The following TPCN1 variants were observed in gnomAD, a reference collection of about 807,000 sequenced individuals.
The protein encoded by TPCN1 is two pore segment channel 1.
In TPCN1, 52 loss-of-function variants were observed where a neutral mutation model predicts 108.8. That is an observed-to-expected ratio of 0.48 (90% CI 0.38 to 0.60). The LOEUF (loss-of-function observed/expected upper bound fraction) is 0.60, where lower values mean the gene tolerates loss of function less well. Among genes scored for constraint, TPCN1 ranks in the 20% least tolerant of loss-of-function variants. The probability of loss-of-function intolerance (pLI) is 0.00; values close to 1 mark genes in which losing one functional copy is unlikely to be tolerated. For missense variants in TPCN1, 806 were observed against 1,072.8 expected (o/e 0.75, Z 3.47); for synonymous variants, 446 against 433.7 (o/e 1.03, Z -0.35).
chr12:113,283,590 C>T (rs1955964651), intron 15 of TPCN1, among the ~76,000 whole-genome samples: 1 of 151,774 alleles, frequency 6.6e-6, no homozygotes, highest in Non-Finnish European at 1.5e-5. Context: ...GCCAAGATCA[C>T]GCCCCACTGC....
At chr12:113,233,883 T>C (rs927037201) in intron 2 of TPCN1, among the ~76,000 whole-genome samples, 1 of 152,132 alleles carries the variant, frequency 6.6e-6, no homozygotes, top group Non-Finnish European at 1.5e-5. Context: ...TTTGAACCCA[T>C]GTCTAGTGAC....
At chr12:113,291,063 C>G (rs910852974) in intron 23 of TPCN1, 65 bp downstream of exon 23, 2 of 1,451,744 alleles carry the variant, frequency 1.4e-6, no homozygotes, top group Non-Finnish European at 1.9e-6. Flanking sequence ...TGGGTCTCCC[C>G]CAACCCAGAG....
chr12:113,288,028 AGTGGACGCAG>A lies in TPCN1; in HGVS notation c.1635-129_1635-120del. ...GCTCAGGGTTGGTGGCGCCCAAGGG[AGTGGACGCAG>A]GTGGAGGAGAGGCCCTCACCTGTCT... On this transcript the variant is annotated intron_variant, in intron 19 of 27. Coordinates refer to ENST00000335509, the MANE Select transcript of TPCN1 (RefSeq NM_017901.6). The surrounding 1 kb of genome is among the most constrained non-coding windows in gnomAD (Gnocchi z 4.8). The A allele has an allele frequency of 1.2e-6, 1 of 808,198 alleles. No individual in the cohort carries two copies. Among genetic ancestry groups the A allele is most frequent in the Non-Finnish European group, 2.0e-6 (1 of 508,640 alleles). The allele number at this position is 808,198 out of a possible 1,614,324, so 50.1% of individuals were successfully genotyped here. A position where few individuals can be genotyped will look rare whatever the true frequency, so the allele number is the denominator to read the frequency against.
At chr12:113,275,774 C>T (rs1013916705) in intron 10 of TPCN1, among the ~76,000 whole-genome samples, 7 of 151,842 alleles carry the variant, frequency 4.6e-5, no homozygotes, top group East Asian at 1.9e-4. Flanking sequence ...TGGGGTTTCG[C>T]GCTTTGTTAG....
At position 113,269,247 on chromosome 12, in the gene TPCN1, C is replaced by T. The variant is rs759091445; in HGVS notation, c.659+375C>T. On this transcript the variant is annotated intron_variant, in intron 6 of 27. Transcript: ENST00000335509. The surrounding 1 kb of genome is among the most constrained non-coding windows in gnomAD (Gnocchi z 5.0). ...ACCAAACTCAAACCAGACCAAGCCTCGACTGAGATTTATTTTGGGAGACTC... is the reference window on the plus strand; with the variant it reads ...ACCAAACTCAAACCAGACCAAGCCTTGACTGAGATTTATTTTGGGAGACTC... 1.3e-5 allele frequency among the ~76,000 whole-genome samples: 2 copies of T among 152,190 alleles called. No individual in the cohort carries two copies. Among genetic ancestry groups the T allele is most frequent in the Admixed American group, 6.5e-5 (1 of 15,284 alleles).
chr12:113,280,080 T>C, intron 14 of TPCN1, 71 bp from the exon 15 acceptor site: 1 of 1,232,896 alleles, frequency 8.1e-7, no homozygotes, highest in Non-Finnish European at 1.2e-6. Context: ...AAAGAGATAA[T>C]AATAATTAAG....
intron 18 of TPCN1, among the ~76,000 whole-genome samples, chr12:113,286,452 C>T (rs893724943): frequency 2.3e-5 from 3 of 128,832 alleles, no homozygotes; most frequent in Admixed American, 7.6e-5. Context: ...ACACGCAGAG[C>T]GGAGTTGGGA....
At chr12:113,240,632 T>C (rs552803321) in intron 2 of TPCN1, among the ~76,000 whole-genome samples, 3 of 152,338 alleles carry the variant, frequency 2.0e-5, no homozygotes, top group South Asian at 2.1e-4. Context: ...AGTTGGTAGT[T>C]TGCATTTTCT....
rs1315631761 is a variant in TPCN1 at position 113,267,907 on chromosome 12, G to A, written c.479G>A (p.Arg160His). ...GTGTTTGAACTCTGCATGAAGTTAC[G>A]CTGGCTGGGCCTCCACACCTTCATC... ...VVVFELCMKLRWLGLHTFIRH... is the reference protein window; with the variant it reads ...VVVFELCMKLHWLGLHTFIRH... Residue 160 changes from arginine (R) to histidine (H), a missense_variant, in exon 5 of 28, where the codon CGC becomes CAC. Physicochemically the swap from Arg to His is conservative, Grantham distance 29. Transcript: ENST00000335509. The A allele has an allele frequency of 8.1e-6, 13 of 1,614,108 alleles. No individual in the cohort carries two copies. The highest frequency in any genetic ancestry group is 2.2e-5 in the East Asian group (1 of 44,878).
intron 14 of TPCN1, 72 bp downstream of exon 14, chr12:113,278,907 C>T (rs764604499): frequency 1.0e-4 from 140 of 1,392,654 alleles, no homozygotes; most frequent in Non-Finnish European, 1.4e-4. Context: ...CACAGATAAG[C>T]GTCTGAGGAG....
intron 2 of TPCN1, among the ~76,000 whole-genome samples, chr12:113,243,897 C>T (rs1156702891): frequency 6.6e-6 from 1 of 152,180 alleles, no homozygotes; most frequent in Non-Finnish European, 1.5e-5. Context: ...GCAGTCACTG[C>T]CCCCGATGAT....
rs12309912 is a variant in TPCN1 at position 113,234,497 on chromosome 12, G to A, written c.112+7533G>A. ...GTGACCCCTTATCAGGACTTGCCTG[G>A]TAGAAGTCCCTGGACTGAGCCAGAT... On this transcript the variant is annotated intron_variant, in intron 2 of 27. Coordinates refer to ENST00000335509, the MANE Select transcript of TPCN1 (RefSeq NM_017901.6). 1.8e-3 allele frequency among the ~76,000 whole-genome samples: 269 copies of A among 152,340 alleles called. 1 individual carries two copies. The highest frequency in any genetic ancestry group is 6.0e-3 in the African/African-American group (248 of 41,584).
At chr12:113,279,204 C>G (rs1314889073) in intron 14 of TPCN1, among the ~76,000 whole-genome samples, 1 of 150,892 alleles carries the variant, frequency 6.6e-6, no homozygotes, top group Non-Finnish European at 1.5e-5. Flanking sequence ...TGATGTGTTT[C>G]CCTCTGTGCC....
chr12:113,287,102 G>T lies in TPCN1; in HGVS notation c.1634+8G>T, dbSNP rs181254932. ...CCCCCTCCAGCTGCTGAGGTGATGG[G>T]CAGGGCAGAGCCGGAGACAGGGAGA... On this transcript the variant is annotated splice_region_variant and intron_variant, in intron 19 of 27. Coordinates refer to ENST00000335509, the MANE Select transcript of TPCN1 (RefSeq NM_017901.6). 1.2e-6 allele frequency: 2 copies of T among 1,605,302 alleles called. No homozygotes were observed. Among genetic ancestry groups the T allele is most frequent in the African/African-American group, 2.7e-5 (2 of 74,886 alleles).
At chr12:113,252,213 A>T (rs1037279424) in intron 2 of TPCN1, among the ~76,000 whole-genome samples, 2 of 152,154 alleles carry the variant, frequency 1.3e-5, no homozygotes, top group Non-Finnish European at 2.9e-5. Context: ...ACACCTAAAG[A>T]TTAGCAAAGG....
chr12:113,277,124 T>C, intron 11 of TPCN1, 89 bp downstream of exon 11: 4 of 1,600,104 alleles, frequency 2.5e-6, no homozygotes, highest in South Asian at 1.1e-5. Context: ...CCAGCCACTT[T>C]AGAAACCAGG....
Position 113,288,438 on chromosome 12 carries a change from T to C in TPCN1, c.1706+204T>C. The C allele has an allele frequency of 6.7e-7, 1 of 1,486,152 alleles. No homozygotes were observed. The highest frequency in any genetic ancestry group is 8.9e-7 in the Non-Finnish European group (1 of 1,120,138). 92.1% of individuals were successfully genotyped at this position (1,486,152 alleles called of 1,614,324 possible). On this transcript the variant is annotated intron_variant, in intron 20 of 27. Transcript: ENST00000335509. This position sits in a 1 kb window ranked among gnomAD's most constrained non-coding sequence, Gnocchi z 4.8. ...TTCTCCACTGACCTGTCTGACATAT[T>C]TAGTAGGGAGGGCAGGGAGCTGTCA...
chr12:113,249,526 T>G (rs1216110151), intron 2 of TPCN1: 1 of 152,208 alleles, frequency 6.6e-6, no homozygotes, highest in Non-Finnish European at 1.5e-5. Context: ...AGCTGGGCAA[T>G]GAATTAGGTG....
chr12:113,241,793 T>TGTGTGTGTGTGTGTGC (rs776600301), intron 2 of TPCN1, among the ~76,000 whole-genome samples: 3,352 of 150,392 alleles, frequency 0.022, 44 homozygotes, highest in Non-Finnish European at 0.031. Flanking sequence ...TGTGTGTGTG[T>TGTGTGTGTGTGTGTGC]GCGTGTGTGT....
Sources: gnomAD v4.1 joint callset for allele counts (sites outside exome capture counted in the v4.1 genomes callset) on GRCh38, gnomAD v4.1.1 for gene constraint, Gnocchi (gnomAD v3.1) non-coding constraint, MANE v1.5 for transcripts, NCBI Gene and HGNC (gene_info 2026-07-23, HGNC 2026-07-21) for gene names.